Variants in NOCT observed in about 807,000 individuals in gnomAD.
NOCT encodes nocturnin.
A neutral mutation model predicts 35.0 loss-of-function variants in NOCT; 18 were observed. That is an observed-to-expected ratio of 0.51 (90% CI 0.36 to 0.76). The LOEUF (loss-of-function observed/expected upper bound fraction) is 0.76. NOCT is among the 30% of genes least tolerant of loss of function. The probability of loss-of-function intolerance (pLI) is 0.01; values close to 1 mark genes in which losing one functional copy is unlikely to be tolerated. For missense variants in NOCT, 479 were observed against 541.0 expected, an observed-to-expected ratio of 0.89 and a Z score of 1.14; for synonymous variants, 235 against 226.3, an observed-to-expected ratio of 1.04 and a Z score of -0.34.
In NOCT at chr4:139,045,509, ATTTT is replaced by A. The variant is rs546346607; in HGVS notation, c.*57_*60del. The A allele has an allele frequency of 8.0e-4, 304 of 379,202 alleles. No individual in the cohort carries two copies. Among genetic ancestry groups the A allele is most frequent in the Middle Eastern group, 1.5e-3 (2 of 1,318 alleles). The allele number at this position is 379,202 out of a possible 1,614,324, so 23.5% of individuals were successfully genotyped here. On this transcript the variant is annotated 3_prime_UTR_variant, in exon 3 of 3. Transcript: ENST00000280614. The stretch of plus-strand genomic sequence containing the variant: ...TTTGTCTTTTTAATCACAGGAGTCT[ATTTT>A]TTTTTTTTTTTTTTTTTTTTTGAGA...
intron 1 of NOCT, among the ~76,000 whole-genome samples, chr4:139,024,043 T>TC (rs1726469767): frequency 1.0e-5 from 1 of 98,186 alleles, no homozygotes; most frequent in African/African-American, 3.7e-5. Context: ...TGTCTATTCA[T>TC]CCTTTTTTTT....
intron 1 of NOCT, among the ~76,000 whole-genome samples, chr4:139,022,642 A>T (rs534874773): frequency 3.4e-4 from 52 of 152,274 alleles, no homozygotes; most frequent in Middle Eastern, 3.4e-3. Context: ...TCTCTCAGTG[A>T]TGTGATTCTC....
intron 1 of NOCT, among the ~76,000 whole-genome samples, chr4:139,040,734 A>G (rs1463195822): frequency 6.6e-6 from 1 of 152,194 alleles, no homozygotes; most frequent in Non-Finnish European, 1.5e-5. Context: ...TTTCACATTT[A>G]AAATATAAAA....
At chr4:139,023,107 A>C (rs1290474048) in intron 1 of NOCT, among the ~76,000 whole-genome samples, 1 of 152,174 alleles carries the variant, frequency 6.6e-6, no homozygotes, top group Non-Finnish European at 1.5e-5. Context: ...TCTCAAAAAA[A>C]AAAAAGAAGT....
At chr4:139,030,983 A>C (rs1726612599) in intron 1 of NOCT, among the ~76,000 whole-genome samples, 1 of 152,140 alleles carries the variant, frequency 6.6e-6, no homozygotes, top group African/African-American at 2.4e-5. Context: ...CTTGGTTTTT[A>C]ATCAGCGTTT....
chr4:139,035,747 G>T (rs1726719014), intron 1 of NOCT, among the ~76,000 whole-genome samples: 1 of 152,150 alleles, frequency 6.6e-6, no homozygotes, highest in Admixed American at 6.5e-5. Flanking sequence ...AGTCTAGATA[G>T]ACCAGCAAGG....
At chr4:139,037,365 C>T (rs1336551373) in intron 1 of NOCT, among the ~76,000 whole-genome samples, 1 of 152,204 alleles carries the variant, frequency 6.6e-6, no homozygotes, top group African/African-American at 2.4e-5. Flanking sequence ...TCACACCTGA[C>T]AAGAATTATT....
chr4:139,043,803 T>C (rs1315966299), intron 2 of NOCT: 1 of 153,574 alleles, frequency 6.5e-6, no homozygotes, highest in Admixed American at 6.4e-5. Context: ...TAATCCCAGC[T>C]ACTCGGGAGG....
intron 1 of NOCT, among the ~76,000 whole-genome samples, chr4:139,029,044 G>GGTCAGAA (rs1210914658): frequency 1.3e-5 from 2 of 151,554 alleles, no homozygotes; most frequent in Admixed American, 6.5e-5. Flanking sequence ...TCACCATGTT[G>GGTCAGAA]GTCAGGCTGG....
intron 1 of NOCT, among the ~76,000 whole-genome samples, chr4:139,017,820 A>T (rs1039726053): frequency 3.9e-5 from 6 of 152,148 alleles, no homozygotes; most frequent in Admixed American, 3.3e-4. Flanking sequence ...TAAAAATTTT[A>T]AAAAATGTAT....
chr4:139,025,099 G>GT (rs1306361587), intron 1 of NOCT, among the ~76,000 whole-genome samples: 1 of 152,134 alleles, frequency 6.6e-6, no homozygotes, highest in East Asian at 1.9e-4. Context: ...TCCTGATCTG[G>GT]TCTGCTTCTC....
chr4:139,044,754 C>T lies in NOCT; in HGVS notation c.576C>T (p.Cys192=). The change falls in exon 3 of 3, where the codon TGC becomes TGT. Residue 192 remains cysteine (C), a synonymous_variant. Transcript: ENST00000280614. The stretch of plus-strand genomic sequence containing the variant: ...TGGCCTACCAGCCTGATATATTGTG[C>T]CTCCAAGAGGTGGACCACTATTTTG... ...EILAYQPDIL[C]LQEVDHYFDT... 2 of 1,614,080 alleles carry T rather than the reference C, an allele frequency of 1.2e-6. No individual in the cohort carries two copies. The highest frequency in any genetic ancestry group is 8.5e-7 in the Non-Finnish European group (1 of 1,179,916).
intron 1 of NOCT, among the ~76,000 whole-genome samples, chr4:139,035,159 T>G (rs890469801): frequency 6.6e-6 from 1 of 151,988 alleles, no homozygotes; most frequent in Admixed American, 6.6e-5. Context: ...GATAGGGTCT[T>G]GCTGTCACCC....
rs1244899195 is a variant in NOCT, at chr4:139,045,556, G to T, written c.*82G>T. On this transcript the variant is annotated 3_prime_UTR_variant, in exon 3 of 3. Coordinates refer to ENST00000280614, the MANE Select transcript of NOCT (RefSeq NM_012118.4). ...TTTTGAGACAGAGTCTCGCTCTGTT[G>T]CCTAGGCTGGAGTACAGTGGCCTGA... 6 of 743,762 alleles carry T rather than the reference G, an allele frequency of 8.1e-6. No homozygotes were observed. The South Asian group carries it at 1.2e-4, about 15-fold the overall frequency. 46.1% of individuals were successfully genotyped at this position (743,762 alleles called of 1,614,324 possible). A position where few individuals can be genotyped will look rare whatever the true frequency, so the allele number is the denominator to read the frequency against.
intron 1 of NOCT, among the ~76,000 whole-genome samples, chr4:139,017,141 A>G (rs1045486238): frequency 5.3e-5 from 8 of 151,254 alleles, no homozygotes; most frequent in Admixed American, 1.3e-4. Flanking sequence ...CTGGGCACAC[A>G]TTACCATGGC....
At chr4:139,033,004 G>A (rs895614889) in intron 1 of NOCT, among the ~76,000 whole-genome samples, 4 of 152,062 alleles carry the variant, frequency 2.6e-5, no homozygotes, top group Non-Finnish European at 5.9e-5. Context: ...GGCGGAGGCT[G>A]CAGTGAGCCA....
chr4:139,041,299 T>G (rs989118865), intron 1 of NOCT, among the ~76,000 whole-genome samples: 1 of 152,212 alleles, frequency 6.6e-6, no homozygotes, highest in Non-Finnish European at 1.5e-5. Context: ...GACTGCTAGT[T>G]TGAGATGTGA....
chr4:139,020,291 A>G (rs567341984), intron 1 of NOCT, among the ~76,000 whole-genome samples: 26 of 152,372 alleles, frequency 1.7e-4, no homozygotes, highest in African/African-American at 6.0e-4. Context: ...CAATTTATCC[A>G]CAAGCTTTAT....
chr4:139,045,625 TC>T lies in NOCT; in HGVS notation c.*153del, dbSNP rs1726925310. 1.9e-6 allele frequency: 1 copy of T among 528,714 alleles called. No individual in the cohort carries two copies. Among genetic ancestry groups the T allele is most frequent in the African/African-American group, 2.0e-5 (1 of 51,202 alleles). The allele number at this position is 528,714 out of a possible 1,614,324, so 32.8% of individuals were successfully genotyped here. A position where few individuals can be genotyped will look rare whatever the true frequency, so the allele number is the denominator to read the frequency against. ...TCCGCCTCCCGGGTTCATGGCATTC[TC>T]CTGCCTCAGCCTCCAGAGCAACTGG... On this transcript the variant is annotated 3_prime_UTR_variant, in exon 3 of 3. Transcript: ENST00000280614.
Sources: gnomAD v4.1 joint callset for allele counts (sites outside exome capture counted in the v4.1 genomes callset) on GRCh38, gnomAD v4.1.1 for gene constraint, MANE v1.5 for transcripts, NCBI Gene and HGNC (gene_info 2026-07-23, HGNC 2026-07-21) for gene names.